The following STARD9 variants were observed in gnomAD, a reference collection of about 807,000 sequenced individuals.
The protein encoded by STARD9 is stAR-related lipid transfer protein 9.
A neutral mutation model predicts 399.8 loss-of-function variants in STARD9; 346 were observed. That is an observed-to-expected ratio of 0.87 (90% confidence interval 0.79 to 0.95). The LOEUF (loss-of-function observed/expected upper bound fraction) is 0.95. STARD9 is among the 40% of genes least tolerant of loss of function. The pLI is 0.00. For synonymous variants in STARD9, 2,203 were observed against 2,143.5 expected (o/e 1.03, Z -0.77); for missense variants, 5,832 against 5,667.5 (o/e 1.03, Z -0.93).
At chr15:42,660,584 CAA>C (rs79069189) in intron 9 of STARD9, among the ~76,000 whole-genome samples, 1 of 122,624 alleles carries the variant, frequency 8.2e-6, no homozygotes. Context: ...AACAGACAAA[CAA>C]AAAAAAAAAA....
intron 18 of STARD9, 116 bp downstream of exon 18, chr15:42,675,080 C>T: frequency 6.1e-6 from 7 of 1,143,458 alleles, no homozygotes; most frequent in Non-Finnish European, 8.1e-6. Context: ...AGCCTCTGCA[C>T]CCTGAAGTCT....
intron 3 of STARD9, among the ~76,000 whole-genome samples, chr15:42,626,255 T>C (rs1482443314): frequency 1.3e-5 from 2 of 151,682 alleles, no homozygotes; most frequent in Admixed American, 6.6e-5. Context: ...CTTCTTCCTC[T>C]TCCTCTTCCT....
chr15:42,629,783 G>A (rs2059292683), intron 3 of STARD9: 1 of 151,962 alleles, frequency 6.6e-6, no homozygotes, highest in African/African-American at 2.4e-5. Flanking sequence ...GTTGAGGTAT[G>A]TTCCTTGTGT....
rs530380384 is a variant in STARD9, at chr15:42,680,679, G to A, written c.1875-743G>A. Among the ~76,000 whole-genome samples, 14 of 152,144 alleles carry A rather than the reference G, an allele frequency of 9.2e-5. No homozygotes were observed. The South Asian group carries it at 1.7e-3, about 18-fold the overall frequency. ...AATACAACACAAATTATCAACTTACGGCTAATCTTAGTTCATTTATATCCA... is the reference window on the plus strand; with the variant it reads ...AATACAACACAAATTATCAACTTACAGCTAATCTTAGTTCATTTATATCCA... On this transcript the variant is annotated intron_variant, in intron 20 of 32. Transcript: ENST00000290607.
In STARD9 at chr15:42,689,089, CAAGGCAG is replaced by C; in HGVS notation, c.7520_7526del (p.Lys2507ArgfsTer9). On this transcript the variant is annotated frameshift_variant, in exon 23 of 33. Coordinates refer to ENST00000290607, the MANE Select transcript of STARD9 (RefSeq NM_020759.3). LOFTEE classifies it high-confidence loss of function. ...GAGGATAGTGACCAAGCCAGCAAGC[CAAGGCAG>C]AAGGCAGAGAAGGAGACTGAGGACG... The C allele has an allele frequency of 1.3e-6, 2 of 1,537,280 alleles. No individual in the cohort carries two copies. Among genetic ancestry groups the C allele is most frequent in the Non-Finnish European group, 1.7e-6 (2 of 1,146,922 alleles).
chr15:42,581,488 T>G, intron 1 of STARD9: 2 of 1,501,550 alleles, frequency 1.3e-6, no homozygotes, highest in Non-Finnish European at 1.8e-6. Flanking sequence ...GAGGAGGACA[T>G]GGCTGTGGAC....
At chr15:42,664,292 G>C (rs530238170) in intron 13 of STARD9, among the ~76,000 whole-genome samples, 5 of 152,200 alleles carry the variant, frequency 3.3e-5, no homozygotes, top group African/African-American at 1.2e-4. Flanking sequence ...CTCACTCTAA[G>C]AAAGTTCATT....
rs2060515735 is a variant in STARD9 at position 42,684,972 on chromosome 15, G to T, written c.3394G>T (p.Asp1132Tyr). The T allele has an allele frequency of 1.4e-5, 21 of 1,537,020 alleles. No homozygotes were observed. The highest frequency in any genetic ancestry group is 1.8e-5 in the Non-Finnish European group (21 of 1,146,922). Residue 1132 changes from aspartate to tyrosine, a missense_variant, in exon 23 of 33, where the codon GAT becomes TAT. By Grantham distance (160) the Asp-to-Tyr change is radical. This residue lies in a region of STARD9 where 5,828 missense variants were observed against 5,651.1 expected (regional missense o/e 1.03). Coordinates refer to ENST00000290607, the MANE Select transcript of STARD9 (RefSeq NM_020759.3). ...EPLKPEERKW[D>Y]FPEPENSESD... ...ACTGAAGCCAGAGGAGAGGAAATGG[G>T]ATTTCCCAGAGCCAGAGAACTCTGA...
Position 42,626,366 on chromosome 15 carries a change from T to TTCTTCCTCC in STARD9, c.235-8472_235-8464dup, listed in dbSNP as rs1339265907. On this transcript the variant is annotated intron_variant, in intron 3 of 32. Coordinates refer to ENST00000290607, the MANE Select transcript of STARD9 (RefSeq NM_020759.3). The stretch of plus-strand genomic sequence containing the variant: ...CCTCTTCCTCTTCTTCCTCTTCCTC[T>TTCTTCCTCC]TCTTCCTCCTCTTCCTCCTCTTCCT... Among the ~76,000 whole-genome samples, 395 of 144,114 alleles carry TTCTTCCTCC rather than the reference T, an allele frequency of 2.7e-3. 1 individual carries two copies. The highest frequency in any genetic ancestry group is 9.7e-3 in the African/African-American group (351 of 36,324). 94.5% of individuals were successfully genotyped at this position (144,114 alleles called of 152,430 possible). A position where few individuals can be genotyped will look rare whatever the true frequency, so the allele number is the denominator to read the frequency against.
rs2060800162 is a variant in STARD9 at position 42,694,640 on chromosome 15, G to T, written c.12877G>T (p.Asp4293Tyr). The change falls in exon 24 of 33, where the codon GAT becomes TAT. Residue 4293 changes from aspartate (D) to tyrosine (Y), a missense_variant. By Grantham distance (160) the Asp-to-Tyr change is radical. This residue lies in a region of STARD9 where 5,828 missense variants were observed against 5,651.1 expected (regional missense o/e 1.03). Transcript: ENST00000290607. ...ACAACTGAGCCTCCTGCCCAACAAAGATCTCTTCATCTGGGATCTTGACTT... is the reference window on the plus strand; with the variant it reads ...ACAACTGAGCCTCCTGCCCAACAAATATCTCTTCATCTGGGATCTTGACTT... ...QKQLSLLPNKDLFIWDLDLPS... is the reference protein window; with the variant it reads ...QKQLSLLPNKYLFIWDLDLPS... The T allele has an allele frequency of 6.5e-7, 1 of 1,537,088 alleles. No individual in the cohort carries two copies. The highest frequency in any genetic ancestry group is 1.4e-5 in the African/African-American group (1 of 73,040).
chr15:42,649,060 C>T (rs943926164), intron 7 of STARD9, among the ~76,000 whole-genome samples: 3 of 151,716 alleles, frequency 2.0e-5, no homozygotes, highest in Admixed American at 6.6e-5. Flanking sequence ...GATGGAGCCT[C>T]GCTGTGTTGC....
chr15:42,667,847 T>C (rs997644845), intron 15 of STARD9, among the ~76,000 whole-genome samples: 3 of 152,242 alleles, frequency 2.0e-5, no homozygotes, highest in Non-Finnish European at 4.4e-5. Context: ...CATCCTTATA[T>C]GTTATTAAAG....
chr15:42,660,627 CAAAAT>C (rs2059977145), intron 9 of STARD9, among the ~76,000 whole-genome samples: 1 of 146,976 alleles, frequency 6.8e-6, no homozygotes, highest in Non-Finnish European at 1.5e-5. Context: ...ATTTCTAAAA[CAAAAT>C]AACAAAACCG....
Position 42,689,805 on chromosome 15 carries a change from GCCTTA to G in STARD9, c.8232_8236del (p.Leu2744PhefsTer6). 1 of 1,537,242 alleles carries G rather than the reference GCCTTA, an allele frequency of 6.5e-7. No homozygotes were observed. The highest frequency in any genetic ancestry group is 8.7e-7 in the Non-Finnish European group (1 of 1,146,870). On this transcript the variant is annotated frameshift_variant, in exon 23 of 33. Coordinates refer to ENST00000290607, the MANE Select transcript of STARD9 (RefSeq NM_020759.3). LOFTEE classifies it high-confidence loss of function. ...GGTAGTATCAAAGAAGGTAGTGGCTGCCTTACCTTCTCAGGCCCCTTATGATGATC... is the reference window on the plus strand; with the variant it reads ...GGTAGTATCAAAGAAGGTAGTGGCTGCCTTCTCAGGCCCCTTATGATGATC...
In STARD9 at chr15:42,686,682, CAGGAGAGCTCTA is replaced by C. The variant is rs1467277176; in HGVS notation, c.5109_5120del (p.Ser1704_Glu1707del). ...ACTAGAGGAAGAGAAGACAGATTGC[CAGGAGAGCTCTA>C]AGGAAGCAGTTAGAAGACACATAAA... On this transcript the variant is annotated inframe_deletion, in exon 23 of 33. Transcript: ENST00000290607. 1 of 1,537,730 alleles carries C rather than the reference CAGGAGAGCTCTA, an allele frequency of 6.5e-7. No individual in the cohort carries two copies. Among genetic ancestry groups the C allele is most frequent in the Non-Finnish European group, 8.7e-7 (1 of 1,147,018 alleles).
intron 16 of STARD9, chr15:42,669,822 G>C (rs572484438): frequency 6.6e-6 from 1 of 152,352 alleles, no homozygotes. Context: ...AGGCTGAGGC[G>C]GGCAGATCAC....
rs77632790 is a variant in STARD9 at position 42,588,821 on chromosome 15, G to T, written c.234+3184G>T. On this transcript the variant is annotated intron_variant, in intron 3 of 32. Coordinates refer to ENST00000290607, the MANE Select transcript of STARD9 (RefSeq NM_020759.3). The stretch of plus-strand genomic sequence containing the variant: ...TTTTTTTTTTTTTTTTTTTTGGAGT[G>T]GGGGGTGGGGGTGTGTGGACAGAGT... 4.0e-4 allele frequency among the ~76,000 whole-genome samples: 36 copies of T among 89,020 alleles called. 1 individual carries two copies. The highest frequency in any genetic ancestry group is 8.1e-4 in the African/African-American group (20 of 24,560). 58.4% of individuals were successfully genotyped at this position (89,020 alleles called of 152,430 possible).
intron 3 of STARD9, among the ~76,000 whole-genome samples, chr15:42,609,229 A>G (rs1273301573): frequency 6.6e-6 from 1 of 152,176 alleles, no homozygotes; most frequent in African/African-American, 2.4e-5. Flanking sequence ...CTGTGATGTC[A>G]TTCTGCCCAA....
Position 42,692,578 on chromosome 15 carries a change from C to T in STARD9, c.11000C>T (p.Ser3667Leu). The change falls in exon 23 of 33, where the codon TCA becomes TTA. Residue 3667 changes from serine (S) to leucine (L), a missense_variant. Around this residue, in one of 2 missense-constraint regions of STARD9, gnomAD observed 5,828 missense variants for 5,651.1 expected, o/e 1.03. Transcript: ENST00000290607. ...GCTCAGCCTGAAGCCAGTGCAGTAT[C>T]AGCCTTTGATCTGGCCTCATGGACC... ...SFAQPEASAV[S>L]AFDLASWTSM... 3.3e-6 allele frequency: 5 copies of T among 1,537,246 alleles called. No individual in the cohort carries two copies. Among genetic ancestry groups the T allele is most frequent in the Non-Finnish European group, 3.5e-6 (4 of 1,146,924 alleles).
Sources: gnomAD v4.1 joint callset for allele counts (sites outside exome capture counted in the v4.1 genomes callset) on GRCh38, gnomAD v4.1.1 for gene constraint, gnomAD v4.1.1 regional missense constraint, MANE v1.5 for transcripts, NCBI Gene and HGNC (gene_info 2026-07-23, HGNC 2026-07-21) for gene names.